The following TG variants were observed in gnomAD, a reference collection of about 807,000 sequenced individuals.
TG encodes thyroid hormones.
In TG, 270 loss-of-function variants were observed where a neutral mutation model predicts 324.7. The ratio of observed to expected loss-of-function variants is 0.83; its 90% CI spans 0.75 to 0.92. The LOEUF is 0.92. Among genes scored for constraint, TG ranks in the 40% least tolerant of loss-of-function variants. TG has a pLI of 0.00. For synonymous variants in TG, 1,401 were observed against 1,327.0 expected (o/e 1.06, Z -1.21); for missense variants, 3,591 against 3,456.4 (o/e 1.04, Z -0.98).
chr8:133,107,987 T>TC (rs1564199219), intron 43 of TG, among the ~76,000 whole-genome samples: 7 of 139,840 alleles, frequency 5.0e-5, no homozygotes, highest in Admixed American at 1.4e-4. Flanking sequence ...TTCTTCTTTT[T>TC]TTTTTTTTTT....
At chr8:133,006,928 G>A (rs1834063071) in intron 35 of TG, among the ~76,000 whole-genome samples, 1 of 152,202 alleles carries the variant, frequency 6.6e-6, no homozygotes, top group Non-Finnish European at 1.5e-5. Context: ...ATAATATGTA[G>A]TCAGTTGGAA....
intron 43 of TG, among the ~76,000 whole-genome samples, chr8:133,097,214 A>C (rs371533788): frequency 1.3e-5 from 2 of 152,362 alleles, no homozygotes; most frequent in East Asian, 3.9e-4. Flanking sequence ...TTATTAAATC[A>C]TGAAAGCAAC....
At position 133,095,121 on chromosome 8, in the gene TG, G is replaced by A. The variant is rs759193550; in HGVS notation, c.7317G>A (p.Glu2439=). Reference sequence around the variant, plus strand: ...AGCAGGCAATTGCTTTGGCAAAGGAGGTCAGTTGCCCCATGTCATCCAGCC... The same window carrying A: ...AGCAGGCAATTGCTTTGGCAAAGGAAGTCAGTTGCCCCATGTCATCCAGCC... The part of the protein sequence containing the change: ...AQQQAIALAK[E]VSCPMSSSQE... Residue 2439 remains glutamate (E), a synonymous_variant, in exon 42 of 48, where the codon GAG becomes GAA. Coordinates refer to ENST00000220616, the MANE Select transcript of TG (RefSeq NM_003235.5). The A allele has an allele frequency of 6.2e-7, 1 of 1,614,084 alleles. No homozygotes were observed. Among genetic ancestry groups the A allele is most frequent in the Non-Finnish European group, 8.5e-7 (1 of 1,180,046 alleles).
rs533956165 is a variant in TG at position 133,039,575 on chromosome 8, G to GA, written c.7239+9558dup. ...AATCCATGAAAGTTTTTTTCTCTTAGAAAAAACAAAGAAGTCACTGTAGGA... is the reference window on the plus strand; with the variant it reads ...AATCCATGAAAGTTTTTTTCTCTTAGAAAAAAACAAAGAAGTCACTGTAGGA... On this transcript the variant is annotated intron_variant, in intron 41 of 47. Transcript: ENST00000220616. Among the ~76,000 whole-genome samples, 789 of 152,116 alleles carry GA rather than the reference G, an allele frequency of 5.2e-3. 5 individuals are homozygous for GA. The highest frequency in any genetic ancestry group is 8.3e-3 in the Non-Finnish European group (562 of 67,970).
chr8:132,897,498 C>A, intron 11 of TG, 151 bp from the exon 12 acceptor site: 1 of 1,081,212 alleles, frequency 9.2e-7, no homozygotes, highest in Middle Eastern at 2.0e-4. Flanking sequence ...GTGCAAGGAG[C>A]CTTTGTAATA....
Position 132,878,259 on chromosome 8 carries a change from C to T in TG, c.639-3604C>T, listed in dbSNP as rs1814120050. ...GGGGAACACTGTATGCCACAGGGGA[C>T]CATCTGACTTGACAATGTCCTGCTG... On this transcript the variant is annotated intron_variant, in intron 5 of 47. Transcript: ENST00000220616. Among the ~76,000 whole-genome samples, 3 of 152,122 alleles carry T rather than the reference C, an allele frequency of 2.0e-5. No homozygotes were observed. In the South Asian group the frequency reaches 6.2e-4, roughly 32 times the overall value.
intron 35 of TG, chr8:132,995,036 C>A (rs1177268130): frequency 7.3e-6 from 7 of 960,444 alleles, no homozygotes; most frequent in Non-Finnish European, 4.9e-6. Context: ...GATTTTTTCC[C>A]TTCTGCTTTT....
chr8:132,990,658 A>G (rs1274425149), intron 35 of TG, among the ~76,000 whole-genome samples: 1 of 152,186 alleles, frequency 6.6e-6, no homozygotes, highest in Non-Finnish European at 1.5e-5. Context: ...ATGACTGAAT[A>G]TGCCAATCAC....
rs1835178302 is a variant in TG, at chr8:133,017,795, T to C, written c.6580T>C (p.Tyr2194His). Residue 2194 changes from tyrosine to histidine, a missense_variant, in exon 38 of 48, where the codon TAT becomes CAT. By Grantham distance (83) the Tyr-to-His change is moderately conservative. Coordinates refer to ENST00000220616, the MANE Select transcript of TG (RefSeq NM_003235.5). ...CCCAACAGGAATCTCTCTGCTCAGC[T>C]ATGAGGCATCTGTACCTTCTGTGCC... Reference protein sequence around the residue: ...YRKPGISLLSYEASVPSVPIS... With the variant: ...YRKPGISLLSHEASVPSVPIS... 2 of 1,614,100 alleles carry C rather than the reference T, an allele frequency of 1.2e-6. No individual in the cohort carries two copies. The highest frequency in any genetic ancestry group is 1.7e-6 in the Non-Finnish European group (2 of 1,180,050).
At position 132,905,062 on chromosome 8, in the gene TG, A is replaced by G. The variant is rs558947914; in HGVS notation, c.3635-1626A>G. 2.0e-5 allele frequency among the ~76,000 whole-genome samples: 3 copies of G among 152,308 alleles called. No homozygotes were observed. The South Asian group carries it at 6.2e-4, about 32-fold the overall frequency. On this transcript the variant is annotated intron_variant, in intron 16 of 47. Coordinates refer to ENST00000220616, the MANE Select transcript of TG (RefSeq NM_003235.5). ...CCCATAGGGTTGTGGGGAACATTAT[A>G]TGAACTGATATTAGCAAAGCTCTTA...
At chr8:132,917,722 A>G (rs552632305) in intron 20 of TG, among the ~76,000 whole-genome samples, 94 of 152,140 alleles carry the variant, frequency 6.2e-4, no homozygotes, top group African/African-American at 2.2e-3. Flanking sequence ...GGTTCCTCAC[A>G]GATGTCTTTC....
intron 22 of TG, among the ~76,000 whole-genome samples, chr8:132,928,462 C>T (rs564583710): frequency 6.6e-6 from 1 of 152,308 alleles, no homozygotes; most frequent in Admixed American, 6.5e-5. Flanking sequence ...TTCCAACTCT[C>T]ATAGCCCTGA....
At chr8:132,899,645 T>G (rs1422544269) in intron 14 of TG, among the ~76,000 whole-genome samples, 1 of 152,230 alleles carries the variant, frequency 6.6e-6, no homozygotes, top group African/African-American at 2.4e-5. Context: ...CACTATTGTT[T>G]AGTTTTTTAA....
intron 7 of TG, 50 bp downstream of exon 7, chr8:132,882,662 T>G: frequency 6.2e-7 from 1 of 1,614,052 alleles, no homozygotes; most frequent in Non-Finnish European, 8.5e-7. Context: ...GGGGGACGCC[T>G]CTTGGGTTTC....
rs531027218 is a variant in TG, at chr8:133,095,063, C to G, written c.7259C>G (p.Pro2420Arg). Reference sequence around the variant, plus strand: ...TTCCAGGGAGGCTCCGCACTCTCCCCGGCCGCCGTCATCAGCCATGAGAGG... The same window carrying G: ...TTCCAGGGAGGCTCCGCACTCTCCCGGGCCGCCGTCATCAGCCATGAGAGG... ...AVLMGGSALS[P>R]AAVISHERAQ... The change falls in exon 42 of 48, where the codon CCG (proline) becomes CGG (arginine). Residue 2420 changes from proline to arginine, a missense_variant. Coordinates refer to ENST00000220616, the MANE Select transcript of TG (RefSeq NM_003235.5). 5.6e-6 allele frequency: 9 copies of G among 1,613,730 alleles called. No homozygotes were observed. The highest frequency in any genetic ancestry group is 3.3e-5 in the Admixed American group (2 of 60,002).
At chr8:132,890,853 A>G (rs1816134670) in intron 10 of TG, among the ~76,000 whole-genome samples, 1 of 152,166 alleles carries the variant, frequency 6.6e-6, no homozygotes, top group South Asian at 2.1e-4. Context: ...TCAGGCCTCT[A>G]GGAGTTTGAG....
chr8:133,093,259 T>C (rs559544739), intron 41 of TG, among the ~76,000 whole-genome samples: 34 of 152,338 alleles, frequency 2.2e-4, no homozygotes, highest in African/African-American at 7.7e-4. Flanking sequence ...ATATTGACGC[T>C]TGTTCCTTGG....
chr8:133,024,312 TTC>T (rs939737080), intron 40 of TG, among the ~76,000 whole-genome samples: 4 of 15,694 alleles, frequency 2.5e-4, no homozygotes, highest in African/African-American at 4.9e-4. Context: ...GCCATTTTCT[TTC>T]TTTCTTTCTT....
chr8:132,935,962 T>C, intron 25 of TG, 98 bp downstream of exon 25: 1 of 911,770 alleles, frequency 1.1e-6, no homozygotes, highest in East Asian at 2.6e-5. Flanking sequence ...GGAGCCAGAC[T>C]GTCCCGCTCC....
Sources: allele counts gnomAD v4.1 joint callset (sites outside exome capture counted in the v4.1 genomes callset), GRCh38; gene constraint gnomAD v4.1.1; transcripts MANE v1.5; gene names NCBI Gene and HGNC (gene_info 2026-07-23, HGNC 2026-07-21).